DAB2IP: variants seen among roughly 807,000 people sequenced by gnomAD.
The protein encoded by DAB2IP is DAB2 interacting protein.
In DAB2IP, 28 loss-of-function variants were observed where a neutral mutation model predicts 107.2. The ratio of observed to expected loss-of-function variants is 0.26; its 90% CI spans 0.19 to 0.36. The LOEUF is 0.36. Among genes scored for constraint, DAB2IP ranks in the 10% least tolerant of loss-of-function variants. The probability of loss-of-function intolerance (pLI) is 1.00; values close to 1 mark genes in which losing one functional copy is unlikely to be tolerated. For synonymous variants in DAB2IP, 755 were observed against 706.4 expected (o/e 1.07, Z -1.09); for missense variants, 1,400 against 1,644.7 (o/e 0.85, Z 2.57).
At chr9:121,671,956 T>C (rs1833701503) in intron 1 of DAB2IP, among the ~76,000 whole-genome samples, 1 of 152,214 alleles carries the variant, frequency 6.6e-6, no homozygotes, top group Non-Finnish European at 1.5e-5. Flanking sequence ...GAGGGAAGGT[T>C]CTGGCCCTAG....
intron 1 of DAB2IP, among the ~76,000 whole-genome samples, chr9:121,588,184 A>G (rs971796767): frequency 1.3e-5 from 2 of 152,112 alleles, no homozygotes; most frequent in Non-Finnish European, 2.9e-5. Flanking sequence ...CATAGGGAAA[A>G]AAAGGTCAAG....
intron 2 of DAB2IP, among the ~76,000 whole-genome samples, chr9:121,695,982 C>A (rs1181642703): frequency 6.6e-6 from 1 of 152,176 alleles, no homozygotes; most frequent in African/African-American, 2.4e-5. Flanking sequence ...AATTCTCCTG[C>A]CTCAGCCTCC....
intron 2 of DAB2IP, among the ~76,000 whole-genome samples, chr9:121,680,681 A>G (rs1828538786): frequency 6.6e-6 from 1 of 151,944 alleles, no homozygotes; most frequent in Non-Finnish European, 1.5e-5. Flanking sequence ...CCATTGATGA[A>G]GTGCCTACTG....
intron 1 of DAB2IP, among the ~76,000 whole-genome samples, chr9:121,606,171 G>A (rs550521911): frequency 2.0e-5 from 3 of 152,078 alleles, no homozygotes; most frequent in South Asian, 4.2e-4. Flanking sequence ...GTGAAACCCC[G>A]TCTGTAATAA....
upstream of DAB2IP, among the ~76,000 whole-genome samples, chr9:121,647,551 C>G (rs959919891): frequency 6.6e-6 from 1 of 152,062 alleles, no homozygotes; most frequent in Non-Finnish European, 1.5e-5. Context: ...TCTTTTCCAG[C>G]AGGGATGCTG....
rs775260570 is a variant in DAB2IP at position 121,763,693 on chromosome 9, C to A, written c.1316-42C>A. ...GCAGGGCAGAGGGTGGGGCAGGGCC[C>A]GCCAGGTCCTCACTCCCCACTCCCT... On this transcript the variant is annotated intron_variant, in intron 7 of 15. Transcript: ENST00000408936. 8 of 1,611,854 alleles carry A rather than the reference C, an allele frequency of 5.0e-6. No homozygotes were observed. The Admixed American group carries it at 1.2e-4, about 24-fold the overall frequency.
chr9:121,659,351 A>T (rs1833102352), intron 1 of DAB2IP, among the ~76,000 whole-genome samples: 3 of 152,310 alleles, frequency 2.0e-5, no homozygotes, highest in African/African-American at 4.8e-5. Flanking sequence ...GCGTGTACAG[A>T]GTCCTGACTA....
At position 121,758,880 on chromosome 9, in the gene DAB2IP, C is replaced by T. The variant is rs767935698; in HGVS notation, c.517-18C>T. On this transcript the variant is annotated intron_variant, in intron 4 of 15. Coordinates refer to ENST00000408936, the Ensembl canonical transcript of DAB2IP. ...GTGGTCCCTTCCCTCATAACACTGT[C>T]TTGCCTGCTCCCCACAGGTGACGAC... 6.2e-7 allele frequency: 1 copy of T among 1,609,508 alleles called. No individual in the cohort carries two copies. The highest frequency in any genetic ancestry group is 2.2e-5 in the East Asian group (1 of 44,794).
At chr9:121,681,124 C>T (rs1828579322) in intron 2 of DAB2IP, among the ~76,000 whole-genome samples, 1 of 151,860 alleles carries the variant, frequency 6.6e-6, no homozygotes, top group Non-Finnish European at 1.5e-5. Flanking sequence ...AAACAGGTTC[C>T]GAGAGGTAAA....
At chr9:121,658,113 C>G (rs1048481793) in intron 1 of DAB2IP, among the ~76,000 whole-genome samples, 1 of 152,190 alleles carries the variant, frequency 6.6e-6, no homozygotes, top group South Asian at 2.1e-4. Flanking sequence ...AATGGCGATT[C>G]AACTCCCGTG....
intron 1 of DAB2IP, among the ~76,000 whole-genome samples, chr9:121,627,170 A>C (rs954216384): frequency 1.6e-4 from 24 of 146,210 alleles, no homozygotes; most frequent in African/African-American, 5.8e-4. Flanking sequence ...CACACACACA[A>C]GCATATGTAA....
At chr9:121,773,029 A>G (rs1413267854) in exon 12 of DAB2IP, 1 of 1,612,264 alleles carries the variant, frequency 6.2e-7, no homozygotes, top group Non-Finnish European at 8.5e-7. Flanking sequence ...CCTGTGTACC[A>G]GATGGCGGCT....
chr9:121,664,918 T>C (rs1833357260), intron 1 of DAB2IP, among the ~76,000 whole-genome samples: 1 of 152,204 alleles, frequency 6.6e-6, no homozygotes, highest in African/African-American at 2.4e-5. Context: ...TAACCTCATG[T>C]CCCCTACAGG....
intron 2 of DAB2IP, among the ~76,000 whole-genome samples, chr9:121,696,034 A>T (rs950320094): frequency 1.3e-5 from 2 of 151,818 alleles, no homozygotes; most frequent in African/African-American, 4.8e-5. Flanking sequence ...ACGCCCGGCT[A>T]ATTTTTGTAT....
rs138443501 is a variant in DAB2IP at position 121,780,662 on chromosome 9, T to TG, written c.3315-798dup. 7.2e-3 allele frequency among the ~76,000 whole-genome samples: 1,095 copies of TG among 152,036 alleles called. 8 individuals are homozygous for TG. The highest frequency in any genetic ancestry group is 0.025 in the African/African-American group (1,051 of 41,468). On this transcript the variant is annotated intron_variant, in intron 14 of 15. Transcript: ENST00000408936. The stretch of plus-strand genomic sequence containing the variant: ...AGGAGACAGGCAGACCCAGAGAGTG[T>TG]GGGGTCTCAAAGCCAAAGGAGAGTG...
chr9:121,727,400 A>T (rs2118842114), intron 3 of DAB2IP, among the ~76,000 whole-genome samples: 2 of 152,300 alleles, frequency 1.3e-5, no homozygotes, highest in South Asian at 4.1e-4. Context: ...ATGTTTTAAG[A>T]GGGAGGCTTA....
upstream of DAB2IP, among the ~76,000 whole-genome samples, chr9:121,650,455 C>T (rs73552150): frequency 0.01 from 1,591 of 152,362 alleles, 36 homozygotes; most frequent in African/African-American, 0.035. Context: ...AGGGCCCCAC[C>T]TTCCCCACTG....
At chr9:121,608,458 G>C (rs972343064) in intron 1 of DAB2IP, among the ~76,000 whole-genome samples, 1 of 152,194 alleles carries the variant, frequency 6.6e-6, no homozygotes, top group African/African-American at 2.4e-5. Context: ...GGGAGACTGA[G>C]AATGAATTGA....
intron 1 of DAB2IP, among the ~76,000 whole-genome samples, chr9:121,641,727 C>A (rs1393332512): frequency 6.6e-6 from 1 of 152,108 alleles, no homozygotes; most frequent in African/African-American, 2.4e-5. Flanking sequence ...TCACACCAGG[C>A]CTCAAGAGGT....
Sources: gnomAD v4.1 joint callset for allele counts (sites outside exome capture counted in the v4.1 genomes callset) on GRCh38, gnomAD v4.1.1 for gene constraint, MANE v1.5 for transcripts, NCBI Gene and HGNC (gene_info 2026-07-23, HGNC 2026-07-21) for gene names.